The following MMP26 variants were observed in gnomAD, a reference collection of about 807,000 sequenced individuals.
MMP26 encodes matrix metallopeptidase 26.
Under a neutral mutation model 31.0 loss-of-function variants are expected in MMP26, and 33 were observed. The ratio of observed to expected loss-of-function variants is 1.06; its 90% CI spans 0.81 to 1.42. The LOEUF is 1.42. MMP26 is among the 40% of genes most tolerant of loss of function. The pLI, the probability that MMP26 is intolerant of heterozygous loss-of-function variation, is 0.00. For synonymous variants in MMP26, 122 were observed against 114.9 expected, an observed-to-expected ratio of 1.06 and a Z score of -0.40; for missense variants, 347 against 316.1, an observed-to-expected ratio of 1.10 and a Z score of -0.74.
chr11:4,896,045 T>G (rs7932754), intron 2 of MMP26, among the ~76,000 whole-genome samples: 2 of 151,838 alleles, frequency 1.3e-5, no homozygotes, highest in Admixed American at 1.3e-4. Flanking sequence ...CATTGAAACC[T>G]TATTGTTTGT....
In MMP26 at chr11:4,989,644, T is replaced by A; in HGVS notation, c.100-4T>A. 6.2e-7 allele frequency: 1 copy of A among 1,609,178 alleles called. No homozygotes were observed. Among genetic ancestry groups the A allele is most frequent in the Non-Finnish European group, 8.5e-7 (1 of 1,178,708 alleles). ...TAGTACTCATCCTTCTTGATCTGATTCAGGGCTATTTCCATCAATTTTTCC... is the reference window on the plus strand; with the variant it reads ...TAGTACTCATCCTTCTTGATCTGATACAGGGCTATTTCCATCAATTTTTCC... On this transcript the variant is annotated splice_region_variant and splice_polypyrimidine_tract_variant and intron_variant, in intron 3 of 7. Coordinates refer to ENST00000380390, the MANE Select transcript of MMP26 (RefSeq NM_021801.5).
chr11:4,907,945 C>T, intron 2 of MMP26: 2 of 1,614,098 alleles, frequency 1.2e-6, no homozygotes, highest in Non-Finnish European at 1.7e-6. Context: ...GCTCTGACAA[C>T]AAGACCAATG....
At chr11:4,723,358 G>A in intron 1 of MMP26, 5 of 966,482 alleles carry the variant, frequency 5.2e-6, no homozygotes, top group South Asian at 1.3e-5. Flanking sequence ...CTCAGCCTCC[G>A]CCCGGCTGCG....
At chr11:4,783,471 T>A (rs886920237) in intron 2 of MMP26, among the ~76,000 whole-genome samples, 6 of 152,232 alleles carry the variant, frequency 3.9e-5, no homozygotes, top group Admixed American at 3.3e-4. Context: ...TGCTTTCGAT[T>A]TTACAGGCTC....
At chr11:4,728,154 A>C (rs1184304653) in intron 1 of MMP26, among the ~76,000 whole-genome samples, 1 of 152,244 alleles carries the variant, frequency 6.6e-6, no homozygotes, top group African/African-American at 2.4e-5. Flanking sequence ...GATGCTAGTC[A>C]CAATTGGATT....
intron 1 of MMP26, among the ~76,000 whole-genome samples, chr11:4,745,359 A>G (rs1362053101): frequency 1.3e-5 from 2 of 152,228 alleles, no homozygotes; most frequent in Non-Finnish European, 2.9e-5. Flanking sequence ...AAATCTTACT[A>G]TAAATACAAA....
intron 2 of MMP26, among the ~76,000 whole-genome samples, chr11:4,867,038 C>A (rs1434004571): frequency 6.6e-6 from 1 of 151,990 alleles, no homozygotes; most frequent in Non-Finnish European, 1.5e-5. Flanking sequence ...GATTTCATGA[C>A]AAAGATGCCA....
chr11:4,830,994 T>C (rs764623429), intron 2 of MMP26, among the ~76,000 whole-genome samples: 3 of 152,206 alleles, frequency 2.0e-5, no homozygotes, highest in African/African-American at 7.2e-5. Context: ...ATAACAAGGA[T>C]GCATTGGTCA....
chr11:4,931,496 C>T (rs1851346620), intron 2 of MMP26, among the ~76,000 whole-genome samples: 1 of 151,758 alleles, frequency 6.6e-6, no homozygotes, highest in African/African-American at 2.4e-5. Flanking sequence ...AGTTAAATGA[C>T]CTATGTGTTT....
chr11:4,882,991 G>T lies in MMP26; in HGVS notation c.-144-105077G>T, dbSNP rs541443709. On this transcript the variant is annotated intron_variant, in intron 2 of 7. Transcript: ENST00000380390. The stretch of plus-strand genomic sequence containing the variant: ...TGAGTCAATTCCAATTGAATTTTAG[G>T]AGTGGGAAGAAGACAGTAATTTTCC... 3.2e-5 allele frequency: 25 copies of T among 792,220 alleles called. No homozygotes were observed. The South Asian group carries it at 4.5e-4, about 14-fold the overall frequency. 49.1% of individuals were successfully genotyped at this position (792,220 alleles called of 1,614,324 possible).
chr11:4,728,776 CTT>C (rs377046421), intron 1 of MMP26, among the ~76,000 whole-genome samples: 23 of 151,992 alleles, frequency 1.5e-4, no homozygotes, highest in African/African-American at 4.8e-4. Flanking sequence ...CTTTTAAAGT[CTT>C]TAAATTTTTC....
chr11:4,824,320 C>G (rs1382458610), intron 2 of MMP26, among the ~76,000 whole-genome samples: 1 of 152,076 alleles, frequency 6.6e-6, no homozygotes, highest in Non-Finnish European at 1.5e-5. Context: ...GGAAGACTAT[C>G]ATATATTGCA....
At chr11:4,729,750 C>T (rs1026076400) in intron 1 of MMP26, among the ~76,000 whole-genome samples, 1 of 151,892 alleles carries the variant, frequency 6.6e-6, no homozygotes, top group Non-Finnish European at 1.5e-5. Context: ...TATAACATAA[C>T]TTTCCTTTTC....
At chr11:4,991,172 T>A (rs1188246798) in intron 5 of MMP26, among the ~76,000 whole-genome samples, 199 bp from the exon 6 acceptor site, 1 of 152,232 alleles carries the variant, frequency 6.6e-6, no homozygotes, top group Non-Finnish European at 1.5e-5. Context: ...TGTCTGTCTT[T>A]CTTTTTACCC....
intron 1 of MMP26, among the ~76,000 whole-genome samples, chr11:4,713,183 T>C (rs1325812413): frequency 1.3e-5 from 2 of 152,072 alleles, no homozygotes; most frequent in African/African-American, 4.8e-5. Context: ...CCTGACTTCC[T>C]CAGCTGCTTC....
At chr11:4,744,982 C>T (rs1589889132) in intron 1 of MMP26, among the ~76,000 whole-genome samples, 1 of 152,200 alleles carries the variant, frequency 6.6e-6, no homozygotes, top group South Asian at 2.1e-4. Flanking sequence ...ATATAGTCTC[C>T]ATGCTATACA....
At chr11:4,945,783 G>T in intron 2 of MMP26, 1 of 275,906 alleles carries the variant, frequency 3.6e-6, no homozygotes, top group Non-Finnish European at 6.9e-6. Context: ...GATTAAAATG[G>T]ATAAAGAGAC....
At chr11:4,923,061 A>G (rs1366024330) in intron 2 of MMP26, among the ~76,000 whole-genome samples, 1 of 152,216 alleles carries the variant, frequency 6.6e-6, no homozygotes, top group South Asian at 2.1e-4. Flanking sequence ...ATTTTGTCCA[A>G]TCATAATGGT....
rs1846986942 is a variant in MMP26, at chr11:4,990,755, T to C, written c.469+9T>C. On this transcript the variant is annotated intron_variant, in intron 5 of 7. Coordinates refer to ENST00000380390, the MANE Select transcript of MMP26 (RefSeq NM_021801.5). ...TTCTTTCTGGCAGTGGGGTAAGAAATTGACATGGGAAGAAGGATATGTATA... is the reference window on the plus strand; with the variant it reads ...TTCTTTCTGGCAGTGGGGTAAGAAACTGACATGGGAAGAAGGATATGTATA... 6.2e-7 allele frequency: 1 copy of C among 1,613,802 alleles called. No homozygotes were observed. The highest frequency in any genetic ancestry group is 8.5e-7 in the Non-Finnish European group (1 of 1,179,848).
Sources: gnomAD v4.1 joint callset for allele counts (sites outside exome capture counted in the v4.1 genomes callset) on GRCh38, gnomAD v4.1.1 for gene constraint, MANE v1.5 for transcripts, NCBI Gene and HGNC (gene_info 2026-07-23, HGNC 2026-07-21) for gene names.